The following ANO2 variants were observed in gnomAD, a reference collection of about 807,000 sequenced individuals.
ANO2 encodes the protein anoctamin-2.
A neutral mutation model predicts 124.2 loss-of-function variants in ANO2; 101 were observed. The observed-to-expected ratio is 0.81, with a 90% confidence interval of 0.69 to 0.96. The LOEUF (loss-of-function observed/expected upper bound fraction) is 0.96. Ranked by LOEUF, ANO2 falls within the 40% of genes least tolerant of loss-of-function variation. ANO2 has a pLI of 0.00. For synonymous variants in ANO2, 486 were observed against 482.5 expected (o/e 1.01, Z -0.09); for missense variants, 1,293 against 1,274.5 (o/e 1.01, Z -0.22).
chr12:5,727,078 A>G (rs1950469267), intron 14 of ANO2, among the ~76,000 whole-genome samples: 1 of 152,162 alleles, frequency 6.6e-6, no homozygotes. Context: ...TACAGTTTGG[A>G]TATTTGTTCC....
At chr12:5,606,033 G>C (rs971777691) in intron 19 of ANO2, among the ~76,000 whole-genome samples, 2 of 152,198 alleles carry the variant, frequency 1.3e-5, no homozygotes, top group African/African-American at 4.8e-5. Context: ...ATTAGTCACA[G>C]AGCTGCCTTT....
intron 14 of ANO2, among the ~76,000 whole-genome samples, chr12:5,705,015 CATT>C (rs1298725036): frequency 6.6e-6 from 1 of 152,002 alleles, no homozygotes; most frequent in Non-Finnish European, 1.5e-5. Flanking sequence ...ACAGATTGTA[CATT>C]ATTATGGTTT....
intron 14 of ANO2, among the ~76,000 whole-genome samples, chr12:5,703,462 G>C (rs1949484580): frequency 6.6e-6 from 1 of 152,158 alleles, no homozygotes; most frequent in African/African-American, 2.4e-5. Flanking sequence ...CTTTATAAAT[G>C]ATCTGAAGCT....
At chr12:5,695,801 A>G (rs979320665) in intron 14 of ANO2, among the ~76,000 whole-genome samples, 1 of 152,234 alleles carries the variant, frequency 6.6e-6, no homozygotes, top group Admixed American at 6.5e-5. Context: ...AGATCTCACC[A>G]TTGCACTTCA....
chr12:5,936,303 C>T (rs1013021972), intron 1 of ANO2, among the ~76,000 whole-genome samples: 1 of 152,144 alleles, frequency 6.6e-6, no homozygotes, highest in African/African-American at 2.4e-5. Context: ...TGATGTGTCA[C>T]GGTTTGACTA....
intron 1 of ANO2, among the ~76,000 whole-genome samples, chr12:5,927,778 T>C (rs1942152848): frequency 6.6e-6 from 1 of 152,120 alleles, no homozygotes; most frequent in Non-Finnish European, 1.5e-5. Context: ...TCATCTCTAA[T>C]GGGGTGAGAG....
rs983392899 is a variant in ANO2 at position 5,567,947 on chromosome 12, A to T, written c.2622-2284T>A. Among the ~76,000 whole-genome samples the T allele has an allele frequency of 2.0e-5, 3 of 152,216 alleles. No individual in the cohort carries two copies. The East Asian group carries it at 5.8e-4, about 29-fold the overall frequency. On this transcript the variant is annotated intron_variant, in intron 23 of 24. Transcript: ENST00000682330. The stretch of plus-strand genomic sequence containing the variant: ...AAGAACAGTGAGCAATTTAATATTC[A>T]TCTGTTCACATTTCTTTCCAAAGCT...
intron 19 of ANO2, 66 bp downstream of exon 19, chr12:5,612,590 A>G: frequency 2.2e-6 from 3 of 1,374,250 alleles, no homozygotes; most frequent in Non-Finnish European, 3.1e-6. Context: ...AAACCTGCTG[A>G]AAGGCTGGCA....
intron 14 of ANO2, among the ~76,000 whole-genome samples, chr12:5,696,739 C>T (rs1949197169): frequency 1.3e-5 from 2 of 152,094 alleles, no homozygotes; most frequent in Admixed American, 6.5e-5. Flanking sequence ...TATAAGCATA[C>T]CAAACATAGC....
intron 20 of ANO2, among the ~76,000 whole-genome samples, chr12:5,598,065 T>C (rs1468214268): frequency 6.6e-6 from 1 of 152,238 alleles, no homozygotes; most frequent in Non-Finnish European, 1.5e-5. Context: ...CATGGCCGTC[T>C]GATCTAGACC....
At chr12:5,803,759 C>T (rs143635661) in intron 9 of ANO2, among the ~76,000 whole-genome samples, 163 of 152,308 alleles carry the variant, frequency 1.1e-3, no homozygotes, top group Non-Finnish European at 1.9e-3. Flanking sequence ...CTCTTCTTAA[C>T]GACCCTCCAG....
In ANO2 at chr12:5,648,136, T is replaced by G. The variant is rs149986423; in HGVS notation, c.1546-335A>C. Among the ~76,000 whole-genome samples, 277 of 152,324 alleles carry G rather than the reference T, an allele frequency of 1.8e-3. 2 individuals carry two copies. Among genetic ancestry groups the G allele is most frequent in the Non-Finnish European group, 2.0e-3 (134 of 68,026 alleles). On this transcript the variant is annotated intron_variant, in intron 14 of 24. Transcript: ENST00000682330. The stretch of plus-strand genomic sequence containing the variant: ...GACATTTATTTTTTCATCTGTAAAT[T>G]GGGCACGGTAGTGATACCTGCCCTG...
At chr12:5,640,686 CA>C (rs1284417369) in intron 15 of ANO2, among the ~76,000 whole-genome samples, 2 of 152,214 alleles carry the variant, frequency 1.3e-5, no homozygotes, top group Non-Finnish European at 2.9e-5. Context: ...TACCATCCCA[CA>C]CCAGTTAGAA....
At chr12:5,779,796 A>T (rs1952331792) in intron 10 of ANO2, among the ~76,000 whole-genome samples, 1 of 152,254 alleles carries the variant, frequency 6.6e-6, no homozygotes, top group Admixed American at 6.5e-5. Context: ...ACATCAGACA[A>T]AGCCAAATTG....
chr12:5,666,057 C>T (rs1947698999), intron 14 of ANO2, among the ~76,000 whole-genome samples: 1 of 152,116 alleles, frequency 6.6e-6, no homozygotes, highest in Non-Finnish European at 1.5e-5. Context: ...CAACTGCAGG[C>T]CCTGGACAAA....
intron 12 of ANO2, among the ~76,000 whole-genome samples, chr12:5,742,416 G>T (rs1292015700): frequency 6.8e-6 from 1 of 147,884 alleles, no homozygotes; most frequent in Non-Finnish European, 1.5e-5. Flanking sequence ...AAGCTCTGGC[G>T]CAATCTCACC....
At chr12:5,783,529 C>T (rs1008577058) in intron 10 of ANO2, among the ~76,000 whole-genome samples, 2 of 152,178 alleles carry the variant, frequency 1.3e-5, no homozygotes, top group East Asian at 3.8e-4. Flanking sequence ...GGCAAATTGC[C>T]AGGGTGATGG....
intron 3 of ANO2, among the ~76,000 whole-genome samples, chr12:5,913,965 G>A (rs1428684434): frequency 1.3e-5 from 2 of 152,148 alleles, no homozygotes; most frequent in African/African-American, 2.4e-5. Context: ...CCTTTGGGAC[G>A]CCGAGACAGG....
chr12:5,913,179 C>T (rs1215985906), intron 3 of ANO2, among the ~76,000 whole-genome samples: 2 of 152,180 alleles, frequency 1.3e-5, no homozygotes, highest in Non-Finnish European at 2.9e-5. Flanking sequence ...GCAAGGTTTT[C>T]CTAAGGATTC....
Sources: gnomAD v4.1 joint callset for allele counts (sites outside exome capture counted in the v4.1 genomes callset) on GRCh38, gnomAD v4.1.1 for gene constraint, MANE v1.5 for transcripts, NCBI Gene and HGNC (gene_info 2026-07-23, HGNC 2026-07-21) for gene names.